The following SOX13 variants were observed in gnomAD, a reference collection of about 807,000 sequenced individuals.
SOX13 encodes the protein SRY-box transcription factor 13, also known as transcription factor SOX-13.
A neutral mutation model predicts 71.8 loss-of-function variants in SOX13; 28 were observed. The ratio of observed to expected loss-of-function variants is 0.39; its 90% CI spans 0.29 to 0.53. The LOEUF is 0.53. Among genes scored for constraint, SOX13 ranks in the 20% least tolerant of loss-of-function variants. The pLI, the probability that SOX13 is intolerant of heterozygous loss-of-function variation, is 0.70. For missense variants in SOX13, 627 were observed against 810.3 expected (o/e 0.77, Z 2.75); for synonymous variants, 309 against 317.8 (o/e 0.97, Z 0.29).
intron 1 of SOX13, among the ~76,000 whole-genome samples, chr1:204,095,301 C>T (rs1656230674): frequency 6.6e-6 from 1 of 152,194 alleles, no homozygotes; most frequent in Admixed American, 6.5e-5. Context: ...TCCCCATCTT[C>T]TTGTCGTCTG....
At chr1:204,098,499 T>C (rs1656299439) in intron 1 of SOX13, among the ~76,000 whole-genome samples, 2 of 152,050 alleles carry the variant, frequency 1.3e-5, no homozygotes, top group Admixed American at 6.6e-5. Flanking sequence ...TTGTTGTTGT[T>C]GTTGTTGTTG....
intron 1 of SOX13, among the ~76,000 whole-genome samples, chr1:204,078,713 A>G (rs1045842942): frequency 6.6e-6 from 1 of 152,074 alleles, no homozygotes; most frequent in Non-Finnish European, 1.5e-5. Context: ...CCCTGCCCCG[A>G]AGCAGGAAGG....
At chr1:204,104,763 T>C (rs1202043174) in intron 1 of SOX13, among the ~76,000 whole-genome samples, 1 of 152,238 alleles carries the variant, frequency 6.6e-6, no homozygotes, top group Non-Finnish European at 1.5e-5. Flanking sequence ...TCAGGCTTCC[T>C]GTACCCCAGG....
chr1:204,095,821 C>T (rs189415602), intron 1 of SOX13, among the ~76,000 whole-genome samples: 6 of 152,282 alleles, frequency 3.9e-5, no homozygotes, highest in African/African-American at 1.2e-4. Flanking sequence ...TAAGCAATAG[C>T]GTCCCCTTCC....
chr1:204,122,760 G>T, intron 9 of SOX13, 94 bp from the exon 10 acceptor site: 1 of 751,508 alleles, frequency 1.3e-6, no homozygotes, highest in Middle Eastern at 2.5e-4. Flanking sequence ...CATGGGAGTG[G>T]CATGGCGGGA....
chr1:204,084,058 C>G (rs1394445404), intron 1 of SOX13, among the ~76,000 whole-genome samples: 2 of 152,314 alleles, frequency 1.3e-5, no homozygotes, highest in East Asian at 1.9e-4. Context: ...CTATTCCTCA[C>G]TAAGGACCCA....
rs528134086 is a variant in SOX13, at chr1:204,084,722, C to T, written c.-2+11011C>T. ...CCCCTTCCTCCCTCCTCTCAGGCCCCGCCCAGAGATCAGTGACCAGGTCAG... is the reference window on the plus strand; with the variant it reads ...CCCCTTCCTCCCTCCTCTCAGGCCCTGCCCAGAGATCAGTGACCAGGTCAG... On this transcript the variant is annotated intron_variant, in intron 1 of 13. Transcript: ENST00000367204. Among the ~76,000 whole-genome samples the T allele has an allele frequency of 2.6e-5, 4 of 152,310 alleles. No homozygotes were observed. In the East Asian group the frequency reaches 5.8e-4, roughly 22 times the overall value.
chr1:204,117,452 C>A (rs1656717801), intron 6 of SOX13, 141 bp from the exon 7 acceptor site: 1 of 677,200 alleles, frequency 1.5e-6, no homozygotes, highest in Non-Finnish European at 2.6e-6. Flanking sequence ...GGCCTAGGGT[C>A]AAAGGGATCC....
At chr1:204,079,363 T>G (rs908337517) in intron 1 of SOX13, among the ~76,000 whole-genome samples, 2 of 132,456 alleles carry the variant, frequency 1.5e-5, no homozygotes, top group African/African-American at 5.5e-5. Flanking sequence ...TTTTTTTTTT[T>G]GAGACAGAGT....
chr1:204,110,513 TG>T (rs1417675058), intron 1 of SOX13, among the ~76,000 whole-genome samples: 2 of 152,138 alleles, frequency 1.3e-5, no homozygotes, highest in African/African-American at 4.8e-5. Flanking sequence ...AAATAGTTTT[TG>T]CACTATATTG....
At chr1:204,088,695 A>G (rs1656074329) in intron 1 of SOX13, among the ~76,000 whole-genome samples, 1 of 151,994 alleles carries the variant, frequency 6.6e-6, no homozygotes, top group Non-Finnish European at 1.5e-5. Context: ...ATAAGATGAG[A>G]TCAGACCTGA....
chr1:204,088,874 C>T (rs1276879429), intron 1 of SOX13, among the ~76,000 whole-genome samples: 1 of 152,170 alleles, frequency 6.6e-6, no homozygotes, highest in Non-Finnish European at 1.5e-5. Flanking sequence ...CGGACAAATA[C>T]ATACTGTGCA....
intron 4 of SOX13, 105 bp from the exon 5 acceptor site, chr1:204,116,402 C>G: frequency 6.2e-7 from 1 of 1,603,990 alleles, no homozygotes; most frequent in Non-Finnish European, 8.5e-7. Flanking sequence ...GGTCCTGGGA[C>G]ATAGCAATTG....
chr1:204,090,462 A>G (rs1316969562), intron 1 of SOX13, among the ~76,000 whole-genome samples: 6 of 142,344 alleles, frequency 4.2e-5, no homozygotes, highest in Admixed American at 1.5e-4. Flanking sequence ...AGGCTGGAGT[A>G]TAGTGGCATG....
intron 13 of SOX13, 38 bp from the exon 14 acceptor site, chr1:204,125,820 G>A (rs1656907883): frequency 1.3e-6 from 2 of 1,588,820 alleles, no homozygotes; most frequent in South Asian, 1.1e-5. Flanking sequence ...GTTGAATCAA[G>A]TGTGCATCCA....
intron 1 of SOX13, among the ~76,000 whole-genome samples, chr1:204,106,787 G>A (rs765975878): frequency 3.3e-5 from 5 of 152,152 alleles, no homozygotes; most frequent in Non-Finnish European, 7.3e-5. Flanking sequence ...TTACAGCCGT[G>A]AGCCATCGCG....
rs41302109 is a variant in SOX13, at chr1:204,126,298, C to T, written c.*164C>T. The T allele has an allele frequency of 0.048, 36,322 of 752,764 alleles. 1,102 individuals are homozygous for T. Among genetic ancestry groups the T allele is most frequent in the Middle Eastern group, 0.082 (211 of 2,578 alleles). The allele number at this position is 752,764 out of a possible 1,614,324, so 46.6% of individuals were successfully genotyped here. ...AGATACATTCATGAGGGGAGAGGCG[C>T]CCTCCCTTCCTGAGGAGCTGTTGGC... On this transcript the variant is annotated 3_prime_UTR_variant, in exon 14 of 14. Coordinates refer to ENST00000367204, the MANE Select transcript of SOX13 (RefSeq NM_005686.3).
chr1:204,084,554 C>T (rs997423044), intron 1 of SOX13, among the ~76,000 whole-genome samples: 1 of 152,122 alleles, frequency 6.6e-6, no homozygotes, highest in Non-Finnish European at 1.5e-5. Flanking sequence ...GCCTAGCTGC[C>T]AGGGCTGCAG....
At chr1:204,112,255 A>G (rs1478663016) in intron 1 of SOX13, among the ~76,000 whole-genome samples, 1 of 152,172 alleles carries the variant, frequency 6.6e-6, no homozygotes, top group African/African-American at 2.4e-5. Context: ...AGCTTGGCCA[A>G]CATGGCAAAA....
Sources: allele counts gnomAD v4.1 joint callset (sites outside exome capture counted in the v4.1 genomes callset), GRCh38; gene constraint gnomAD v4.1.1; transcripts MANE v1.5; gene names NCBI Gene and HGNC (gene_info 2026-07-23, HGNC 2026-07-21).